The following TASP1 variants were observed in gnomAD, a reference collection of about 807,000 sequenced individuals.
TASP1 encodes threonine aspartase 1.
TASP1 carries 16 observed loss-of-function variants against 56.6 expected under a neutral mutation model. The observed-to-expected ratio is 0.28, with a 90% CI of 0.19 to 0.43. The LOEUF is 0.43. Among genes scored for constraint, TASP1 ranks in the 20% least tolerant of loss-of-function variants. The pLI, the probability that TASP1 is intolerant of heterozygous loss-of-function variation, is 1.00. For synonymous variants in TASP1, 179 were observed against 184.2 expected (o/e 0.97, Z 0.23); for missense variants, 393 against 511.6 (o/e 0.77, Z 2.24).
At chr20:13,198,465 A>G in the TASP1 span, among the ~76,000 whole-genome samples, 1 of 152,124 alleles carries the variant, frequency 6.6e-6, no homozygotes, top group Non-Finnish European at 1.5e-5. Context: ...AATTACCTGC[A>G]AAGTCCCCAC....
At chr20:13,260,523 A>G in the TASP1 span, among the ~76,000 whole-genome samples, 1 of 152,192 alleles carries the variant, frequency 6.6e-6, no homozygotes, top group Admixed American at 6.5e-5. Context: ...TCTACATTTC[A>G]TGCATTTGTG....
chr20:13,524,537 G>A (rs2044897076), intron 10 of TASP1, among the ~76,000 whole-genome samples: 1 of 152,078 alleles, frequency 6.6e-6, no homozygotes, highest in South Asian at 2.1e-4. Context: ...TGTTTGCCAG[G>A]CACTCAGGAG....
intron 3 of TASP1, among the ~76,000 whole-genome samples, chr20:13,624,397 A>G (rs2147538552): frequency 6.6e-6 from 1 of 152,234 alleles, no homozygotes; most frequent in African/African-American, 2.4e-5. Flanking sequence ...ACAAATTTCA[A>G]AAGAACAAAA....
chr20:13,148,500 C>A, the TASP1 span, among the ~76,000 whole-genome samples: 2 of 152,140 alleles, frequency 1.3e-5, no homozygotes, highest in Non-Finnish European at 2.9e-5. Context: ...AGGTCACCCC[C>A]ACGAAAAGGT....
At chr20:13,413,064 C>T (rs1427656760) in intron 13 of TASP1, among the ~76,000 whole-genome samples, 1 of 152,142 alleles carries the variant, frequency 6.6e-6, no homozygotes, top group Non-Finnish European at 1.5e-5. Context: ...GCTCCAACTT[C>T]CTGGCACTGC....
the TASP1 span, among the ~76,000 whole-genome samples, chr20:13,311,227 T>TAGAC: frequency 8.8e-6 from 1 of 113,198 alleles, no homozygotes; most frequent in Non-Finnish European, 1.9e-5. Flanking sequence ...GATAGATAGA[T>TAGAC]AGATAGATAG....
the TASP1 span, among the ~76,000 whole-genome samples, chr20:13,208,477 G>A: frequency 6.6e-6 from 1 of 152,124 alleles, no homozygotes; most frequent in Non-Finnish European, 1.5e-5. Context: ...TACAAAACCA[G>A]CCACACTTCC....
chr20:13,378,658 G>C, the TASP1 span, among the ~76,000 whole-genome samples: 1 of 151,990 alleles, frequency 6.6e-6, no homozygotes, highest in Non-Finnish European at 1.5e-5. Context: ...TGATCTGTCT[G>C]ATATTGACAG....
chr20:13,575,701 T>C (rs2046880027), intron 6 of TASP1, among the ~76,000 whole-genome samples: 1 of 152,164 alleles, frequency 6.6e-6, no homozygotes, highest in African/African-American at 2.4e-5. Context: ...GCATCTGTGA[T>C]TAACCTACAG....
the TASP1 span, among the ~76,000 whole-genome samples, chr20:13,139,449 T>C: frequency 6.6e-6 from 1 of 152,226 alleles, no homozygotes. Flanking sequence ...AAGACAGTTC[T>C]CTTCCAAGAA....
chr20:13,112,514 CT>C, the TASP1 span, among the ~76,000 whole-genome samples: 22 of 152,196 alleles, frequency 1.4e-4, no homozygotes, highest in Non-Finnish European at 4.4e-5. Context: ...ACCCTACCCC[CT>C]GATGGAGGAT....
chr20:13,318,242 C>T, the TASP1 span, among the ~76,000 whole-genome samples: 1 of 152,076 alleles, frequency 6.6e-6, no homozygotes, highest in Non-Finnish European at 1.5e-5. Context: ...AGATATTTCA[C>T]ATCATATGTC....
At chr20:13,573,546 C>T (rs1054726660) in intron 6 of TASP1, among the ~76,000 whole-genome samples, 5 of 152,220 alleles carry the variant, frequency 3.3e-5, no homozygotes, top group East Asian at 1.9e-4. Context: ...TCCCTGAGTA[C>T]CCTAAATCAA....
At chr20:13,609,410 G>A (rs61041032) in intron 4 of TASP1, among the ~76,000 whole-genome samples, 91 of 152,224 alleles carry the variant, frequency 6.0e-4, no homozygotes, top group African/African-American at 2.0e-3. Context: ...CAGGCCAAGC[G>A]CGGTGGCTCA....
the TASP1 span, among the ~76,000 whole-genome samples, chr20:13,162,254 G>C: frequency 6.6e-6 from 1 of 152,166 alleles, no homozygotes; most frequent in African/African-American, 2.4e-5. Flanking sequence ...GAGCATGGCC[G>C]GGAAGCAAGT....
intron 4 of TASP1, among the ~76,000 whole-genome samples, chr20:13,610,860 G>A (rs951212946): frequency 6.6e-5 from 10 of 152,070 alleles, no homozygotes; most frequent in African/African-American, 1.9e-4. Flanking sequence ...AATGAACTCC[G>A]TCAGCTGCTT....
At chr20:13,429,669 G>C (rs2042738730) in intron 12 of TASP1, among the ~76,000 whole-genome samples, 1 of 151,720 alleles carries the variant, frequency 6.6e-6, no homozygotes, top group Non-Finnish European at 1.5e-5. Context: ...TGTGTGTGCT[G>C]CCTGCTGAAA....
At chr20:13,124,822 C>T in the TASP1 span, among the ~76,000 whole-genome samples, 1,100 of 152,200 alleles carry the variant, frequency 7.2e-3, 10 homozygotes, top group African/African-American at 0.025. Flanking sequence ...GGCCCAGGCT[C>T]GGAAGTGGGA....
the TASP1 span, chr20:13,159,968 C>T: frequency 6.7e-7 from 1 of 1,489,196 alleles, no homozygotes; most frequent in South Asian, 1.4e-5. Context: ...CCCAACTAAC[C>T]ACTTTTTTTT....
Sources: allele counts gnomAD v4.1 joint callset (sites outside exome capture counted in the v4.1 genomes callset), GRCh38; gene constraint gnomAD v4.1.1; transcripts MANE v1.5; gene names NCBI Gene and HGNC (gene_info 2026-07-23, HGNC 2026-07-21).